MTFR1: variants seen among roughly 807,000 people sequenced by gnomAD.
MTFR1 encodes mitochondrial fission regulator 1.
A neutral mutation model predicts 38.8 loss-of-function variants in MTFR1; 28 were observed. That is an observed-to-expected ratio of 0.72 (90% CI 0.53 to 0.99). MTFR1 has a LOEUF of 0.99. Ranked by LOEUF, MTFR1 falls within the 50% of genes least tolerant of loss-of-function variation. The pLI is 0.00. For missense variants in MTFR1, 358 were observed against 395.5 expected (o/e 0.91, Z 0.81); for synonymous variants, 145 against 137.0 (o/e 1.06, Z -0.41).
Position 65,707,919 on chromosome 8 carries a change from A to C in MTFR1, c.841A>C (p.Lys281Gln). 6.2e-7 allele frequency: 1 copy of C among 1,614,180 alleles called. No homozygotes were observed. Among genetic ancestry groups the C allele is most frequent in the Non-Finnish European group, 8.5e-7 (1 of 1,180,020 alleles). ...AALIAEALKK[K>Q]FAYRYRSDSQ... Reference sequence around the variant, plus strand: ...CCTCATAGCAGAGGCTCTGAAAAAGAAATTTGCTTATCGGTATCGAAGTGA... The same window carrying C: ...CCTCATAGCAGAGGCTCTGAAAAAGCAATTTGCTTATCGGTATCGAAGTGA... The change falls in exon 7 of 8, where the codon AAA (lysine) becomes CAA (glutamine). Residue 281 changes from lysine to glutamine, a missense_variant. Physicochemically the swap from Lys to Gln is moderately conservative, Grantham distance 53 (BLOSUM62 1). Coordinates refer to ENST00000262146, the MANE Select transcript of MTFR1 (RefSeq NM_014637.4).
intron 3 of MTFR1, among the ~76,000 whole-genome samples, chr8:65,732,131 T>C (rs1329393864): frequency 6.6e-6 from 1 of 152,192 alleles, no homozygotes; most frequent in South Asian, 2.1e-4. Context: ...CCCAGGTAGC[T>C]GGGATTACAG....
chr8:65,760,157 TTGAACC>T (rs1808423448), intron 3 of MTFR1, among the ~76,000 whole-genome samples: 1 of 152,074 alleles, frequency 6.6e-6, no homozygotes. Context: ...GGAGAATCAT[TTGAACC>T]TGGGAAGTAG....
chr8:65,701,098 T>C (rs1004217780), intron 4 of MTFR1, among the ~76,000 whole-genome samples: 2 of 152,220 alleles, frequency 1.3e-5, no homozygotes, highest in African/African-American at 4.8e-5. Context: ...ATGTAAACTT[T>C]TGTCTCTTAT....
At chr8:65,751,555 C>A (rs975235981) in intron 3 of MTFR1, among the ~76,000 whole-genome samples, 2 of 151,776 alleles carry the variant, frequency 1.3e-5, no homozygotes, top group African/African-American at 4.8e-5. Context: ...TGCAATGGTG[C>A]GATATCGGCT....
Position 65,696,829 on chromosome 8 carries a change from T to C in MTFR1, c.281+3070T>C, listed in dbSNP as rs185103448. 4.6e-4 allele frequency among the ~76,000 whole-genome samples: 69 copies of C among 150,658 alleles called. 1 individual carries two copies. The highest frequency in any genetic ancestry group is 3.3e-3 in the Admixed American group (50 of 15,062). On this transcript the variant is annotated intron_variant, in intron 4 of 7. Coordinates refer to ENST00000262146, the MANE Select transcript of MTFR1 (RefSeq NM_014637.4). ...GTATGTGCCACCATACCTGCCTAAT[T>C]TTTGTATTTTTAGTGGATACGGGAT...
intron 3 of MTFR1, among the ~76,000 whole-genome samples, chr8:65,726,466 GGA>G (rs1806616214): frequency 6.6e-6 from 1 of 151,968 alleles, no homozygotes; most frequent in Admixed American, 6.6e-5. Flanking sequence ...AAAACTTCTG[GGA>G]ACAGATTTTA....
At chr8:65,677,775 T>C (rs1804757230) in intron 2 of MTFR1, among the ~76,000 whole-genome samples, 1 of 151,576 alleles carries the variant, frequency 6.6e-6, no homozygotes, top group Admixed American at 6.6e-5. Context: ...CCCAGCACTT[T>C]GGGAGGCTGA....
rs371451393 is a variant in MTFR1 at position 65,670,017 on chromosome 8, C to T, written c.65C>T (p.Ser22Leu). 14 of 1,591,174 alleles carry T rather than the reference C, an allele frequency of 8.8e-6. No individual in the cohort carries two copies. Among genetic ancestry groups the T allele is most frequent in the African/African-American group, 2.7e-5 (2 of 73,382 alleles). Residue 22 changes from serine (S) to leucine (L), a missense_variant and splice_region_variant, in exon 2 of 8, where the codon TCG becomes TTG. Transcript: ENST00000262146. ...VFQQVGVSMQ[S>L]VLWSRKPYGS... ...CAACAAGTTGGAGTAAGCATGCAATCGGTGAGTGCTCAAAATTCATTTTTT... is the reference window on the plus strand; with the variant it reads ...CAACAAGTTGGAGTAAGCATGCAATTGGTGAGTGCTCAAAATTCATTTTTT...
rs546117776 is a variant in MTFR1, at chr8:65,705,250, G to T, written c.517+321G>T. 2.0e-5 allele frequency among the ~76,000 whole-genome samples: 3 copies of T among 152,300 alleles called. No homozygotes were observed. In the South Asian group the frequency reaches 6.2e-4, roughly 32 times the overall value. ...GAGGCAGGAGAATCTCTTGAACCTG[G>T]GGGGTGGAGAACCAAGTGAGCCAAG... On this transcript the variant is annotated intron_variant, in intron 5 of 7. Transcript: ENST00000262146.
intron 3 of MTFR1, chr8:65,734,857 G>A: frequency 1.2e-6 from 2 of 1,612,436 alleles, no homozygotes; most frequent in Non-Finnish European, 8.5e-7. Context: ...CTGCGTTATG[G>A]TAAGGATTTT....
chr8:65,654,580 G>T (rs1414378126), intron 1 of MTFR1, among the ~76,000 whole-genome samples: 2 of 151,474 alleles, frequency 1.3e-5, no homozygotes, highest in Admixed American at 6.6e-5. Flanking sequence ...CAATTTTTTT[G>T]TGTGTTGTGT....
intron 1 of MTFR1, among the ~76,000 whole-genome samples, chr8:65,646,465 A>G (rs1372388703): frequency 6.6e-6 from 1 of 152,214 alleles, no homozygotes; most frequent in African/African-American, 2.4e-5. Flanking sequence ...AAGCCTGAAA[A>G]TTTACACAAA....
chr8:65,733,505 C>A (rs1023843372), intron 3 of MTFR1, among the ~76,000 whole-genome samples: 5 of 151,884 alleles, frequency 3.3e-5, no homozygotes, highest in Admixed American at 6.6e-5. Flanking sequence ...CCTGTCTCTA[C>A]AAAAAATTTA....
At chr8:65,762,238 C>T (rs990048543) in intron 3 of MTFR1, among the ~76,000 whole-genome samples, 3 of 152,154 alleles carry the variant, frequency 2.0e-5, no homozygotes, top group Admixed American at 2.0e-4. Flanking sequence ...CTCTTGATTT[C>T]CCTCAAAAAG....
At chr8:65,776,166 G>T (rs1209540958), downstream of MTFR1, among the ~76,000 whole-genome samples, 2 of 151,698 alleles carry the variant, frequency 1.3e-5, no homozygotes, top group East Asian at 3.9e-4. Flanking sequence ...GTGTGAACAG[G>T]GTCCAAGATT....
chr8:65,689,971 TTG>T (rs1207121162), intron 3 of MTFR1, among the ~76,000 whole-genome samples: 3 of 152,232 alleles, frequency 2.0e-5, no homozygotes, highest in Non-Finnish European at 2.9e-5. Flanking sequence ...TTTCATCTTA[TTG>T]AGCACATATT....
chr8:65,755,295 A>C lies in MTFR1; in HGVS notation c.*49-15652A>C, dbSNP rs983058245. ...CTCAGCCTCCCAAAGTGCTGGGATT[A>C]CAGGCATGAGCCATCATGCCCGGCC... On this transcript the variant is annotated intron_variant, in intron 3 of 3. Transcript: ENST00000521247. 2.6e-5 allele frequency among the ~76,000 whole-genome samples: 4 copies of C among 152,296 alleles called. No homozygotes were observed. In the East Asian group the frequency reaches 7.7e-4, roughly 29 times the overall value.
At chr8:65,714,769 A>AAAG (rs1301649754), downstream of MTFR1, 12 of 152,344 alleles carry the variant, frequency 7.9e-5, no homozygotes, top group African/African-American at 2.2e-4. Context: ...AAGAAAATAG[A>AAAG]AAGTTTAATA....
intron 3 of MTFR1, among the ~76,000 whole-genome samples, chr8:65,725,776 CTG>C (rs1236760946): frequency 6.6e-6 from 1 of 152,000 alleles, no homozygotes; most frequent in Non-Finnish European, 1.5e-5. Context: ...TTTATTAAAT[CTG>C]AGAACTCAAC....
Sources: allele counts gnomAD v4.1 joint callset (sites outside exome capture counted in the v4.1 genomes callset), GRCh38; gene constraint gnomAD v4.1.1; transcripts MANE v1.5; gene names NCBI Gene and HGNC (gene_info 2026-07-23, HGNC 2026-07-21).